The following ERG variants were observed in gnomAD, a reference collection of about 807,000 sequenced individuals.
The protein encoded by ERG is ETS transcription factor ERG.
ERG carries 9 observed loss-of-function variants against 55.3 expected under a neutral mutation model. The ratio of observed to expected loss-of-function variants is 0.16; its 90% CI spans 0.10 to 0.28. The LOEUF (loss-of-function observed/expected upper bound fraction) is 0.28. Ranked by LOEUF, ERG falls within the 10% of genes least tolerant of loss-of-function variation. The pLI is 1.00. For synonymous variants in ERG, 223 were observed against 237.3 expected, an observed-to-expected ratio of 0.94 and a Z score of 0.55; for missense variants, 434 against 631.6, an observed-to-expected ratio of 0.69 and a Z score of 3.35.
At chr21:38,545,428 G>GC (rs1379195023) in intron 2 of ERG, among the ~76,000 whole-genome samples, 1 of 152,038 alleles carries the variant, frequency 6.6e-6, no homozygotes, top group Non-Finnish European at 1.5e-5. Context: ...TTTAATCCCT[G>GC]CATCTGCGCC....
chr21:38,468,775 G>T (rs949914316), intron 1 of ERG, among the ~76,000 whole-genome samples: 1 of 152,004 alleles, frequency 6.6e-6, no homozygotes, highest in Non-Finnish European at 1.5e-5. Flanking sequence ...CACGAGGTCA[G>T]GAGATCGAGA....
chr21:38,501,821 A>G (rs1313582021), upstream of ERG, among the ~76,000 whole-genome samples: 1 of 152,250 alleles, frequency 6.6e-6, no homozygotes, highest in Non-Finnish European at 1.5e-5. Flanking sequence ...TGAATCTGCC[A>G]AAACCTTCCA....
In ERG at chr21:38,623,768, A is replaced by C. The variant is rs191933248; in HGVS notation, c.-150+37890T>G. 2.8e-4 allele frequency among the ~76,000 whole-genome samples: 43 copies of C among 152,352 alleles called. 2 individuals carry two copies. Among genetic ancestry groups the C allele is most frequent in the Admixed American group, 2.4e-3 (36 of 15,308 alleles). On this transcript the variant is annotated intron_variant, in intron 1 of 10. Coordinates refer to the ERG transcript ENST00000398910. ...CACCAGCCCAGCAGGGGTCGAACTTAAAATGAATCTGTGCATGTGGGCCCC... is the reference window on the plus strand; with the variant it reads ...CACCAGCCCAGCAGGGGTCGAACTTCAAATGAATCTGTGCATGTGGGCCCC...
chr21:38,623,360 C>A (rs2060305753), intron 1 of ERG, among the ~76,000 whole-genome samples: 2 of 151,986 alleles, frequency 1.3e-5, no homozygotes, highest in Admixed American at 1.3e-4. Flanking sequence ...ACACAATACA[C>A]ATACACATAA....
upstream of ERG, chr21:38,502,732 CT>C (rs547835308): frequency 0.015 from 2,135 of 138,418 alleles, 16 homozygotes; most frequent in African/African-American, 0.022. Flanking sequence ...GTTAAATAAC[CT>C]TTTTTTTTTT....
chr21:38,399,362 G>A (rs1159167911), intron 6 of ERG, among the ~76,000 whole-genome samples: 1 of 152,132 alleles, frequency 6.6e-6, no homozygotes, highest in African/African-American at 2.4e-5. Flanking sequence ...TTAGCTCCCT[G>A]GGCCCCCAGT....
intron 1 of ERG, among the ~76,000 whole-genome samples, chr21:38,651,612 C>A (rs963026007): frequency 6.6e-6 from 1 of 152,186 alleles, no homozygotes; most frequent in Non-Finnish European, 1.5e-5. Flanking sequence ...ATTAATTCCA[C>A]CTGTCCCTGT....
intron 6 of ERG, chr21:38,400,222 G>C (rs1988420200): frequency 4.5e-6 from 2 of 444,572 alleles, no homozygotes; most frequent in Non-Finnish European, 8.5e-6. Context: ...CTGTGAATCT[G>C]GGGAGTGTCC....
At chr21:38,548,548 C>T (rs1023079146) in intron 2 of ERG, among the ~76,000 whole-genome samples, 9 of 149,102 alleles carry the variant, frequency 6.0e-5, no homozygotes, top group Non-Finnish European at 8.9e-5. Context: ...CCTGGGTTCA[C>T]GCCATTCTCC....
intron 2 of ERG, among the ~76,000 whole-genome samples, chr21:38,444,264 C>A (rs1312169785): frequency 6.6e-6 from 1 of 152,156 alleles, no homozygotes; most frequent in Non-Finnish European, 1.5e-5. Context: ...TGGTTTAAAT[C>A]CAAACTCTGA....
At position 38,472,637 on chromosome 21, in the gene ERG, C is replaced by T. The variant is rs150529492; in HGVS notation, c.18+25726G>A. Among the ~76,000 whole-genome samples, 292 of 152,278 alleles carry T rather than the reference C, an allele frequency of 1.9e-3. 1 individual carries two copies. Among genetic ancestry groups the T allele is most frequent in the African/African-American group, 6.9e-3 (285 of 41,558 alleles). On this transcript the variant is annotated intron_variant, in intron 1 of 9. Transcript: ENST00000288319. Reference sequence around the variant, plus strand: ...TGCGCAGGCCTCCACAGGGCAGCTACACTCTACGATAAGGAACATGAAGCC... The same window carrying T: ...TGCGCAGGCCTCCACAGGGCAGCTATACTCTACGATAAGGAACATGAAGCC...
At chr21:38,379,396 C>G (rs1298782712), downstream of ERG, among the ~76,000 whole-genome samples, 2 of 152,202 alleles carry the variant, frequency 1.3e-5, no homozygotes, top group Non-Finnish European at 2.9e-5. Flanking sequence ...GTAACATCTC[C>G]AGATTGTTTT....
At chr21:38,651,623 C>CT (rs1387551772) in intron 1 of ERG, among the ~76,000 whole-genome samples, 4 of 152,158 alleles carry the variant, frequency 2.6e-5, no homozygotes, top group Admixed American at 6.5e-5. Flanking sequence ...CTGTCCCTGT[C>CT]TTTTTTAATT....
At chr21:38,450,906 C>T (rs987803675) in intron 1 of ERG, 1 of 456,104 alleles carries the variant, frequency 2.2e-6, no homozygotes, top group African/African-American at 2.0e-5. Context: ...AGCTGTGATT[C>T]TTGCCCACCC....
chr21:38,638,333 A>T (rs951285085), intron 1 of ERG, among the ~76,000 whole-genome samples: 14 of 152,244 alleles, frequency 9.2e-5, no homozygotes, highest in Non-Finnish European at 1.6e-4. Context: ...CGTGAGCTTC[A>T]TCATGATCAT....
intron 2 of ERG, among the ~76,000 whole-genome samples, chr21:38,543,042 G>T (rs531285274): frequency 6.6e-6 from 1 of 152,074 alleles, no homozygotes; most frequent in South Asian, 2.1e-4. Context: ...CAGATGGGTG[G>T]CCCACCGGAG....
chr21:38,608,020 A>G (rs2060206129), intron 1 of ERG, among the ~76,000 whole-genome samples: 1 of 152,218 alleles, frequency 6.6e-6, no homozygotes, highest in African/African-American at 2.4e-5. Flanking sequence ...AGCATAAATA[A>G]ATTTGATAAA....
At chr21:38,444,464 T>C (rs986242447) in intron 2 of ERG, among the ~76,000 whole-genome samples, 1 of 152,226 alleles carries the variant, frequency 6.6e-6, no homozygotes, top group Non-Finnish European at 1.5e-5. Flanking sequence ...GATGGTAGAT[T>C]ATGCAACATT....
downstream of ERG, among the ~76,000 whole-genome samples, chr21:38,375,972 G>T (rs979885980): frequency 1.3e-5 from 2 of 152,104 alleles, no homozygotes; most frequent in African/African-American, 4.8e-5. Context: ...TAACTTCCTA[G>T]CATCATATGA....
Sources: allele counts gnomAD v4.1 joint callset (sites outside exome capture counted in the v4.1 genomes callset), GRCh38; gene constraint gnomAD v4.1.1; transcripts MANE v1.5; gene names NCBI Gene and HGNC (gene_info 2026-07-23, HGNC 2026-07-21).